Variants in DNAJC13 observed in about 807,000 individuals in gnomAD.
DNAJC13 encodes dnaJ homolog subfamily C member 13.
A neutral mutation model predicts 290.5 loss-of-function variants in DNAJC13; 75 were observed. The ratio of observed to expected loss-of-function variants is 0.26; its 90% CI spans 0.21 to 0.31. The LOEUF is 0.31. Among genes scored for constraint, DNAJC13 ranks in the 10% least tolerant of loss-of-function variants. The pLI is 1.00. For missense variants in DNAJC13, 2,260 were observed against 2,674.5 expected (o/e 0.85, Z 3.42); for synonymous variants, 862 against 892.0 (o/e 0.97, Z 0.60).
intron 1 of DNAJC13, among the ~76,000 whole-genome samples, chr3:132,419,871 T>C (rs983517549): frequency 1.4e-4 from 21 of 152,236 alleles, no homozygotes; most frequent in Admixed American, 4.6e-4. Context: ...GCTCCCTTTT[T>C]ATAAAAAATA....
intron 48 of DNAJC13, among the ~76,000 whole-genome samples, chr3:132,521,408 T>C (rs1000602493): frequency 2.0e-5 from 3 of 152,172 alleles, no homozygotes; most frequent in African/African-American, 7.2e-5. Context: ...GGTGATGTAA[T>C]TGGCCTGATA....
intron 20 of DNAJC13, chr3:132,472,606 A>T: frequency 1.0e-6 from 1 of 985,212 alleles, no homozygotes; most frequent in Admixed American, 6.1e-5. Flanking sequence ...TGTGAAATGC[A>T]TTAAGCTGCC....
Position 132,499,319 on chromosome 3 carries a change from G to C in DNAJC13, c.4341+9G>C. On this transcript the variant is annotated intron_variant, in intron 37 of 55. Transcript: ENST00000260818. ...GAGAGAATGGACTAGAGGTAATACG[G>C]AGTGACCTTTGTGCTTTTTAAGCCA... 1.3e-6 allele frequency: 2 copies of C among 1,573,092 alleles called. No individual in the cohort carries two copies. The highest frequency in any genetic ancestry group is 8.6e-7 in the Non-Finnish European group (1 of 1,157,858).
In DNAJC13 at chr3:132,503,387, T is replaced by A. The variant is rs1320490347; in HGVS notation, c.4884+6T>A. On this transcript the variant is annotated splice_donor_region_variant and intron_variant, in intron 41 of 55. Coordinates refer to ENST00000260818, the MANE Select transcript of DNAJC13 (RefSeq NM_015268.4). ...CTGTGGCTAGTGTGACTGAGGTATG[T>A]GCTTCACAGGTAGCCTGGGTTTTAA... 1.2e-6 allele frequency: 2 copies of A among 1,613,942 alleles called. No individual in the cohort carries two copies. The highest frequency in any genetic ancestry group is 1.7e-6 in the Non-Finnish European group (2 of 1,179,844).
At chr3:132,436,861 T>TA (rs1273165662) in intron 2 of DNAJC13, among the ~76,000 whole-genome samples, 1 of 151,342 alleles carries the variant, frequency 6.6e-6, no homozygotes, top group Admixed American at 6.6e-5. Flanking sequence ...TCACTGTAAC[T>TA]AAAAAAATTT....
In DNAJC13 at chr3:132,484,483, A is replaced by C. The variant is rs1934785868; in HGVS notation, c.3183-105A>C. ...GTATGAGAGCTTAGTCTTCATTAAC[A>C]AAAAAGTAAGGTAACCTGCTTCATG... On this transcript the variant is annotated intron_variant, in intron 28 of 55. Coordinates refer to ENST00000260818, the MANE Select transcript of DNAJC13 (RefSeq NM_015268.4). The C allele has an allele frequency of 9.4e-6, 10 of 1,062,200 alleles. No individual in the cohort carries two copies. In the South Asian group the frequency reaches 1.2e-4, roughly 13 times the overall value. 65.8% of individuals were successfully genotyped at this position (1,062,200 alleles called of 1,614,324 possible). A position where few individuals can be genotyped will look rare whatever the true frequency, so the allele number is the denominator to read the frequency against.
chr3:132,427,071 A>AC (rs1380881175), intron 1 of DNAJC13, among the ~76,000 whole-genome samples: 3 of 125,544 alleles, frequency 2.4e-5, no homozygotes, highest in African/African-American at 1.1e-4. Flanking sequence ...GTTTATATAT[A>AC]CATATGTGTG....
intron 42 of DNAJC13, 138 bp from the exon 43 acceptor site, chr3:132,507,099 T>G (rs760122235): frequency 1.8e-4 from 93 of 524,248 alleles, no homozygotes; most frequent in Non-Finnish European, 3.0e-4. Context: ...AAAGTCTTTT[T>G]AAGTGCTGTG....
intron 1 of DNAJC13, among the ~76,000 whole-genome samples, chr3:132,426,873 TGTAAG>T (rs1939105124): frequency 6.6e-6 from 1 of 152,004 alleles, no homozygotes. Flanking sequence ...GTTGGATACA[TGTAAG>T]GAAACAGTTC....
intron 1 of DNAJC13, among the ~76,000 whole-genome samples, chr3:132,431,326 T>TG (rs1423820121): frequency 1.7e-4 from 26 of 152,102 alleles, no homozygotes; most frequent in Non-Finnish European, 1.3e-4. Flanking sequence ...GAAAGTGCTA[T>TG]GGGGGAAAAA....
chr3:132,468,996 T>G (rs922381604), intron 20 of DNAJC13, among the ~76,000 whole-genome samples: 2 of 152,214 alleles, frequency 1.3e-5, no homozygotes, highest in Non-Finnish European at 2.9e-5. Context: ...TCTGCTATTT[T>G]AAAACAATTG....
rs896527010 is a variant in DNAJC13 at position 132,477,967 on chromosome 3, T to G, written c.2550-14T>G. ...TGGCTATTTCTATTGTGAACTTTTTTTTTTAAAATCTAGGTATGAATTTTT... is the reference window on the plus strand; with the variant it reads ...TGGCTATTTCTATTGTGAACTTTTTGTTTTAAAATCTAGGTATGAATTTTT... On this transcript the variant is annotated splice_polypyrimidine_tract_variant and intron_variant, in intron 23 of 55. Coordinates refer to ENST00000260818, the MANE Select transcript of DNAJC13 (RefSeq NM_015268.4). 3 of 1,598,142 alleles carry G rather than the reference T, an allele frequency of 1.9e-6. No homozygotes were observed. Among genetic ancestry groups the G allele is most frequent in the Non-Finnish European group, 2.6e-6 (3 of 1,175,846 alleles).
chr3:132,517,509 A>C (rs561825372), intron 48 of DNAJC13, among the ~76,000 whole-genome samples: 1 of 152,302 alleles, frequency 6.6e-6, no homozygotes, highest in East Asian at 1.9e-4. Context: ...TAGGGAGAAC[A>C]TGAAATAAAG....
intron 51 of DNAJC13, 78 bp downstream of exon 51, chr3:132,523,791 AC>A: frequency 1.4e-6 from 2 of 1,414,368 alleles, no homozygotes; most frequent in East Asian, 4.7e-5. Flanking sequence ...AACCTTATTC[AC>A]AAAGACCATG....
At chr3:132,446,596 A>G in intron 3 of DNAJC13, 46 bp downstream of exon 3, 1 of 1,375,930 alleles carries the variant, frequency 7.3e-7, no homozygotes, top group Non-Finnish European at 1.0e-6. Flanking sequence ...ACTCCCTTTG[A>G]ATTTTAAAAG....
chr3:132,529,427 A>G (rs1936348970), intron 54 of DNAJC13, among the ~76,000 whole-genome samples: 1 of 152,194 alleles, frequency 6.6e-6, no homozygotes, highest in Non-Finnish European at 1.5e-5. Flanking sequence ...CTGGATTTGT[A>G]TGTTTCAAGT....
chr3:132,428,318 C>G (rs1939158057), intron 1 of DNAJC13, among the ~76,000 whole-genome samples: 1 of 152,206 alleles, frequency 6.6e-6, no homozygotes, highest in Non-Finnish European at 1.5e-5. Flanking sequence ...ACTTGCCATT[C>G]ATTGGCTGAA....
At chr3:132,453,188 C>G in intron 6 of DNAJC13, 110 bp from the exon 7 acceptor site, 3 of 916,596 alleles carry the variant, frequency 3.3e-6, no homozygotes, top group Non-Finnish European at 4.8e-6. Flanking sequence ...TAATACCTAC[C>G]TCTTTTTTCT....
In DNAJC13 at chr3:132,494,165, C is replaced by T. The variant is rs759038155; in HGVS notation, c.3847C>T (p.Leu1283Phe). The T allele has an allele frequency of 6.2e-7, 1 of 1,611,886 alleles. No individual in the cohort carries two copies. The highest frequency in any genetic ancestry group is 8.5e-7 in the Non-Finnish European group (1 of 1,179,022). The change falls in exon 34 of 56, where the codon CTT (leucine) becomes TTT (phenylalanine). Residue 1283 changes from leucine (L) to phenylalanine (F), a missense_variant. By Grantham distance (22) the Leu-to-Phe change is conservative. This residue lies in a region of DNAJC13 where 1,494 missense variants were observed against 1,693.7 expected (regional missense o/e 0.88). Coordinates refer to ENST00000260818, the MANE Select transcript of DNAJC13 (RefSeq NM_015268.4). ...TAAGGTTAAGCTTCTAAAAGATACC[C>T]TTGATGCCTGGAAGAAAGAAGTAGA... ...KDPVKLLKDT[L>F]DAWKKEVEKK...
Sources: allele counts gnomAD v4.1 joint callset (sites outside exome capture counted in the v4.1 genomes callset), GRCh38; gene constraint gnomAD v4.1.1; regional missense constraint gnomAD v4.1.1; transcripts MANE v1.5; gene names NCBI Gene and HGNC (gene_info 2026-07-23, HGNC 2026-07-21).